SLC9C1: variants seen among roughly 807,000 people sequenced by gnomAD.
The protein encoded by SLC9C1 is solute carrier family 9 member C1.
Under a neutral mutation model 140.9 loss-of-function variants are expected in SLC9C1, and 97 were observed. The observed-to-expected ratio is 0.69, with a 90% CI of 0.58 to 0.82. The LOEUF is 0.82. Ranked by LOEUF, SLC9C1 falls within the 40% of genes least tolerant of loss-of-function variation. SLC9C1 has a pLI of 0.00. For missense variants in SLC9C1, 1,340 were observed against 1,389.3 expected (o/e 0.96, Z 0.56); for synonymous variants, 440 against 442.6 (o/e 0.99, Z 0.07).
rs1242073561 is a variant in SLC9C1 at position 112,150,907 on chromosome 3, G to A, written c.3524+950C>T. ...GGCTGGAGTGCAATGGCGTGATCTC[G>A]GCTCACTGCAACCTCCGCCGCCCAG... On this transcript the variant is annotated intron_variant, in intron 28 of 28. Coordinates refer to ENST00000305815, the MANE Select transcript of SLC9C1 (RefSeq NM_183061.3). 3.4e-5 allele frequency among the ~76,000 whole-genome samples: 5 copies of A among 145,944 alleles called. No individual in the cohort carries two copies. In the Admixed American group the frequency reaches 3.4e-4, roughly 10 times the overall value.
At chr3:112,247,251 T>C (rs2079313080) in intron 10 of SLC9C1, among the ~76,000 whole-genome samples, 1 of 152,170 alleles carries the variant, frequency 6.6e-6, no homozygotes, top group South Asian at 2.1e-4. Flanking sequence ...ACTTCCTTTT[T>C]CATTTATAAG....
chr3:112,250,503 G>A (rs992785360), intron 10 of SLC9C1, among the ~76,000 whole-genome samples: 2 of 148,524 alleles, frequency 1.3e-5, no homozygotes, highest in Non-Finnish European at 3.0e-5. Flanking sequence ...CTTCCACAAT[G>A]GTTGAACTAG....
intron 22 of SLC9C1, among the ~76,000 whole-genome samples, chr3:112,179,947 G>A (rs551098244): frequency 6.6e-6 from 1 of 152,004 alleles, no homozygotes; most frequent in African/African-American, 2.4e-5. Flanking sequence ...TTTTAGGATG[G>A]CTAAATCTCT....
intron 20 of SLC9C1, among the ~76,000 whole-genome samples, chr3:112,194,285 G>A (rs1185954682): frequency 1.3e-5 from 2 of 152,146 alleles, no homozygotes; most frequent in Admixed American, 6.5e-5. Context: ...CCCTGAAATG[G>A]GAAGTTATTT....
intron 11 of SLC9C1, among the ~76,000 whole-genome samples, chr3:112,242,702 A>C (rs1350416835): frequency 6.6e-6 from 1 of 152,362 alleles, no homozygotes; most frequent in East Asian, 1.9e-4. Flanking sequence ...TGTAACACAA[A>C]GGATAAACAC....
intron 13 of SLC9C1, 141 bp downstream of exon 13, chr3:112,231,220 G>A: frequency 1.2e-6 from 1 of 804,032 alleles, no homozygotes; most frequent in Non-Finnish European, 1.8e-6. Context: ...CAATCAAGCA[G>A]ATTCCTAAGA....
chr3:112,205,328 G>A (rs758169722), intron 16 of SLC9C1, among the ~76,000 whole-genome samples: 2 of 151,640 alleles, frequency 1.3e-5, no homozygotes, highest in African/African-American at 2.4e-5. Flanking sequence ...TAAAATACCT[G>A]GGAATCCAAC....
At chr3:112,182,415 G>T (rs1372957722) in intron 20 of SLC9C1, among the ~76,000 whole-genome samples, 157 bp from the exon 21 acceptor site, 3 of 151,726 alleles carry the variant, frequency 2.0e-5, no homozygotes, top group Admixed American at 2.0e-4. Context: ...GATTCTTTTT[G>T]TATCATCATT....
At chr3:112,198,715 C>T (rs1009204362) in intron 20 of SLC9C1, among the ~76,000 whole-genome samples, 11 of 151,438 alleles carry the variant, frequency 7.3e-5, no homozygotes, top group Admixed American at 2.6e-4. Flanking sequence ...GAAAACCTAC[C>T]GAGACAAAGT....
intron 20 of SLC9C1, among the ~76,000 whole-genome samples, chr3:112,189,890 G>A (rs1329163732): frequency 6.6e-6 from 1 of 152,076 alleles, no homozygotes; most frequent in African/African-American, 2.4e-5. Context: ...CCATTTGTTT[G>A]TGTCCTCTTT....
In SLC9C1 at chr3:112,155,055, T is replaced by TG; in HGVS notation, c.3365-7_3365-6insC. On this transcript the variant is annotated splice_polypyrimidine_tract_variant and splice_region_variant and intron_variant, in intron 26 of 28. Coordinates refer to ENST00000305815, the MANE Select transcript of SLC9C1 (RefSeq NM_183061.3). ...TTCCAATGTTCCAACTGAACCTGAT[T>TG]AAAAAAAAAAAAAACAGTGTTAATT... 8 of 1,412,810 alleles carry TG rather than the reference T, an allele frequency of 5.7e-6. No individual in the cohort carries two copies. The highest frequency in any genetic ancestry group is 7.7e-6 in the Non-Finnish European group (8 of 1,044,338). 87.5% of individuals were successfully genotyped at this position (1,412,810 alleles called of 1,614,324 possible).
intron 20 of SLC9C1, among the ~76,000 whole-genome samples, chr3:112,184,801 C>T (rs545837677): frequency 6.6e-6 from 1 of 152,164 alleles, no homozygotes; most frequent in Non-Finnish European, 1.5e-5. Context: ...ACTCAAAGCT[C>T]AGGGGTCTGG....
At chr3:112,245,930 G>T (rs1012218736) in intron 10 of SLC9C1, among the ~76,000 whole-genome samples, 1 of 151,922 alleles carries the variant, frequency 6.6e-6, no homozygotes, top group Non-Finnish European at 1.5e-5. Flanking sequence ...GCTCTCAGAG[G>T]TATCCATCTC....
intron 14 of SLC9C1, among the ~76,000 whole-genome samples, chr3:112,218,601 T>C (rs1350586452): frequency 6.6e-6 from 1 of 152,228 alleles, no homozygotes; most frequent in East Asian, 1.9e-4. Flanking sequence ...ATTCAACATC[T>C]GCTATTGTTG....
At chr3:112,292,775 C>G (rs1168727287) in intron 1 of SLC9C1, among the ~76,000 whole-genome samples, 9 of 151,388 alleles carry the variant, frequency 5.9e-5, no homozygotes, top group Admixed American at 5.9e-4. Flanking sequence ...GATCTCCTGA[C>G]CTTGTGATCT....
rs369096733 is a variant in SLC9C1 at position 112,219,504 on chromosome 3, T to A, written c.1670+1624A>T. 2.3e-4 allele frequency among the ~76,000 whole-genome samples: 35 copies of A among 152,354 alleles called. 1 individual carries two copies. Among genetic ancestry groups the A allele is most frequent in the African/African-American group, 8.4e-4 (35 of 41,586 alleles). ...TCCAAAGTTTGCCTTCATAGGCATA[T>A]GTTGCTTCTGCCTTTGGGGAACATT... On this transcript the variant is annotated intron_variant, in intron 14 of 28. Coordinates refer to ENST00000305815, the MANE Select transcript of SLC9C1 (RefSeq NM_183061.3).
At chr3:112,159,718 G>C (rs766529673) in intron 26 of SLC9C1, among the ~76,000 whole-genome samples, 12 of 151,860 alleles carry the variant, frequency 7.9e-5, no homozygotes, top group African/African-American at 1.2e-4. Flanking sequence ...CTTAATATTT[G>C]CTTTACATAT....
chr3:112,246,099 T>G (rs2079276304), intron 10 of SLC9C1, among the ~76,000 whole-genome samples: 1 of 152,206 alleles, frequency 6.6e-6, no homozygotes, highest in Non-Finnish European at 1.5e-5. Flanking sequence ...GCAACCTTTT[T>G]GTTCTTCATT....
intron 26 of SLC9C1, among the ~76,000 whole-genome samples, chr3:112,156,461 A>T (rs1350206351): frequency 6.6e-6 from 1 of 152,092 alleles, no homozygotes; most frequent in Non-Finnish European, 1.5e-5. Flanking sequence ...GGGTGTTATG[A>T]ACAGTGCTGC....
Sources: allele counts gnomAD v4.1 joint callset (sites outside exome capture counted in the v4.1 genomes callset), GRCh38; gene constraint gnomAD v4.1.1; transcripts MANE v1.5; gene names NCBI Gene and HGNC (gene_info 2026-07-23, HGNC 2026-07-21).